GAS7: variants seen among roughly 807,000 people sequenced by gnomAD.
GAS7 encodes growth arrest-specific protein 7.
In GAS7, 28 loss-of-function variants were observed where a neutral mutation model predicts 71.1. The ratio of observed to expected loss-of-function variants is 0.39; its 90% CI spans 0.29 to 0.54. GAS7 has a LOEUF of 0.54. Ranked by LOEUF, GAS7 falls within the 20% of genes least tolerant of loss-of-function variation. The pLI is 0.62. For synonymous variants in GAS7, 258 were observed against 245.8 expected, an observed-to-expected ratio of 1.05 and a Z score of -0.46; for missense variants, 436 against 627.8, an observed-to-expected ratio of 0.69 and a Z score of 3.27.
At chr17:10,021,860 G>A (rs760135145) in intron 1 of GAS7, among the ~76,000 whole-genome samples, 4 of 152,164 alleles carry the variant, frequency 2.6e-5, no homozygotes, top group Non-Finnish European at 4.4e-5. Context: ...GCATGCGCGC[G>A]TGCATGTTGA....
At chr17:10,022,848 G>A (rs906175279) in intron 1 of GAS7, among the ~76,000 whole-genome samples, 52 of 152,178 alleles carry the variant, frequency 3.4e-4, no homozygotes, top group African/African-American at 1.2e-3. Flanking sequence ...TACCCGACTT[G>A]AACGGCAAAC....
intron 1 of GAS7, among the ~76,000 whole-genome samples, chr17:10,130,620 G>A (rs987294608): frequency 2.0e-5 from 3 of 152,260 alleles, no homozygotes; most frequent in Non-Finnish European, 4.4e-5. Context: ...CAACTGATGA[G>A]CAAATAAACA....
intron 1 of GAS7, among the ~76,000 whole-genome samples, chr17:10,186,176 C>A (rs1034460022): frequency 2.0e-5 from 3 of 151,464 alleles, no homozygotes; most frequent in Non-Finnish European, 2.9e-5. Flanking sequence ...CCAGGATGGT[C>A]TCGATCTCCT....
At chr17:10,130,339 A>T (rs2073987104) in intron 1 of GAS7, among the ~76,000 whole-genome samples, 1 of 151,974 alleles carries the variant, frequency 6.6e-6, no homozygotes, top group Non-Finnish European at 1.5e-5. Flanking sequence ...TAAAAAAAAA[A>T]AAAAAAAAAC....
intron 1 of GAS7, among the ~76,000 whole-genome samples, chr17:10,113,616 G>A (rs375931848): frequency 9.2e-5 from 14 of 152,182 alleles, no homozygotes; most frequent in Non-Finnish European, 1.5e-4. Flanking sequence ...GCATTTTTCC[G>A]CCCCCTACAA....
At chr17:10,173,782 A>T (rs75605360) in intron 1 of GAS7, among the ~76,000 whole-genome samples, 12,198 of 150,344 alleles carry the variant, frequency 0.081, 569 homozygotes, top group Admixed American at 0.17. Flanking sequence ...AAAAAAGAAA[A>T]AAAAAGAGAC....
At chr17:9,993,295 T>C (rs981885700) in intron 2 of GAS7, among the ~76,000 whole-genome samples, 3 of 152,170 alleles carry the variant, frequency 2.0e-5, no homozygotes, top group African/African-American at 7.2e-5. Flanking sequence ...ATGATTGCCA[T>C]TCTAACTGGT....
In GAS7 at chr17:10,169,262, G is replaced by A. The variant is rs745590463; in HGVS notation, c.183+28946C>T. 2.7e-5 allele frequency among the ~76,000 whole-genome samples: 4 copies of A among 150,812 alleles called. No homozygotes were observed. The South Asian group carries it at 6.2e-4, about 23-fold the overall frequency. On this transcript the variant is annotated intron_variant, in intron 1 of 13. Transcript: ENST00000432992. ...GCCTGGGCAACAAGAGCAAGACTTC[G>A]ACTCAAAAAAAAAAATTAATTAATA...
At chr17:10,125,311 A>G (rs1422857561) in intron 1 of GAS7, among the ~76,000 whole-genome samples, 3 of 152,138 alleles carry the variant, frequency 2.0e-5, no homozygotes, top group African/African-American at 7.2e-5. Flanking sequence ...GGAGGTCAGG[A>G]GTTCAAGATC....
intron 9 of GAS7, among the ~76,000 whole-genome samples, chr17:9,927,479 C>CAAA (rs565071341): frequency 1.7e-3 from 215 of 123,466 alleles, no homozygotes; most frequent in African/African-American, 6.0e-3. Context: ...GACTTGGTCT[C>CAAA]AAAAAAAAAA....
At chr17:10,169,806 T>G (rs1236636495) in intron 1 of GAS7, among the ~76,000 whole-genome samples, 1 of 152,164 alleles carries the variant, frequency 6.6e-6, no homozygotes, top group African/African-American at 2.4e-5. Context: ...ATACCTACCT[T>G]GAATTAAGAG....
At chr17:10,166,011 C>CTTTTT (rs11356429) in intron 1 of GAS7, among the ~76,000 whole-genome samples, 2 of 143,166 alleles carry the variant, frequency 1.4e-5, no homozygotes, top group African/African-American at 2.6e-5. Flanking sequence ...TTTTCTTTTT[C>CTTTTT]TTTTTTTTTT....
At chr17:9,992,947 T>C (rs1417522785) in intron 2 of GAS7, among the ~76,000 whole-genome samples, 2 of 152,152 alleles carry the variant, frequency 1.3e-5, no homozygotes, top group East Asian at 3.9e-4. Context: ...TCATTTTTTA[T>C]GGCTGCATAG....
Position 9,916,883 on chromosome 17 carries a change from C to A in GAS7, c.*345G>T. On this transcript the variant is annotated 3_prime_UTR_variant, in exon 14 of 14. Coordinates refer to ENST00000432992, the MANE Select transcript of GAS7 (RefSeq NM_201433.2). ...CAAGGGAGCCAGCTGGAGGAAGAGC[C>A]TTGGGGCTTCCAGGGCACAAGCATG... 1 of 465,570 alleles carries A rather than the reference C, an allele frequency of 2.1e-6. No individual in the cohort carries two copies. 28.8% of individuals were successfully genotyped at this position (465,570 alleles called of 1,614,324 possible).
intron 1 of GAS7, among the ~76,000 whole-genome samples, chr17:10,177,033 C>A (rs1035232200): frequency 1.3e-5 from 2 of 152,146 alleles, no homozygotes. Flanking sequence ...TAGGAAGTGG[C>A]GTTCCTGGCC....
At chr17:10,111,184 T>C (rs1049933997) in intron 1 of GAS7, among the ~76,000 whole-genome samples, 6 of 151,974 alleles carry the variant, frequency 3.9e-5, no homozygotes, top group South Asian at 2.1e-4. Context: ...GAGGATCCTT[T>C]GAGGTCAGGA....
chr17:9,966,951 T>G (rs994722305), intron 4 of GAS7, among the ~76,000 whole-genome samples: 1 of 152,214 alleles, frequency 6.6e-6, no homozygotes, highest in African/African-American at 2.4e-5. Context: ...AAGAATAACA[T>G]TCTACCTCCT....
rs1439237383 is a variant in GAS7 at position 9,915,101 on chromosome 17, G to A, written c.*2127C>T. The A allele has an allele frequency of 4.3e-6, 1 of 231,478 alleles. No homozygotes were observed. The highest frequency in any genetic ancestry group is 5.6e-5 in the Admixed American group (1 of 17,718). The allele number at this position is 231,478 out of a possible 1,614,324, so 14.3% of individuals were successfully genotyped here. On this transcript the variant is annotated 3_prime_UTR_variant, in exon 14 of 14. Coordinates refer to ENST00000432992, the MANE Select transcript of GAS7 (RefSeq NM_201433.2). ...GGTAAAGAGAAGGAGGTGAGGGGAT[G>A]AGGGGGGAAAGAGTGACCTCCAAAA...
At position 10,103,763 on chromosome 17, in the gene GAS7, T is replaced by C. The variant is rs1156318801; in HGVS notation, c.184-83866A>G. On this transcript the variant is annotated intron_variant, in intron 1 of 13. Coordinates refer to ENST00000432992, the MANE Select transcript of GAS7 (RefSeq NM_201433.2). This position sits in a 1 kb window ranked among gnomAD's most constrained non-coding sequence, Gnocchi z 5.5. ...ACTGCTTGAACCTGGGAGGCAGAGG[T>C]TGCAGTGAGCCAAGATCTCACCATT... is the stretch of plus-strand genomic sequence containing the variant. Among the ~76,000 whole-genome samples the C allele has an allele frequency of 6.6e-6, 1 of 150,960 alleles. No individual in the cohort carries two copies. The highest frequency in any genetic ancestry group is 1.5e-5 in the Non-Finnish European group (1 of 67,690).
Sources: gnomAD v4.1 joint callset for allele counts (sites outside exome capture counted in the v4.1 genomes callset) on GRCh38, gnomAD v4.1.1 for gene constraint, Gnocchi (gnomAD v3.1) non-coding constraint, MANE v1.5 for transcripts, NCBI Gene and HGNC (gene_info 2026-07-23, HGNC 2026-07-21) for gene names.